DYNC1I1: variants seen among roughly 807,000 people sequenced by gnomAD.
DYNC1I1 encodes cytoplasmic dynein 1 intermediate chain 1.
Under a neutral mutation model 86.6 loss-of-function variants are expected in DYNC1I1, and 43 were observed. That is an observed-to-expected ratio of 0.50 (90% CI 0.39 to 0.64). DYNC1I1 has a LOEUF of 0.64. Ranked by LOEUF, DYNC1I1 falls within the 30% of genes least tolerant of loss-of-function variation. The pLI, the probability that DYNC1I1 is intolerant of heterozygous loss-of-function variation, is 0.00. For missense variants in DYNC1I1, 604 were observed against 788.8 expected (o/e 0.77, Z 2.81); for synonymous variants, 262 against 283.7 (o/e 0.92, Z 0.77).
At chr7:95,944,280 A>C (rs951645688) in intron 6 of DYNC1I1, among the ~76,000 whole-genome samples, 12 of 152,238 alleles carry the variant, frequency 7.9e-5, no homozygotes, top group African/African-American at 2.9e-4. Flanking sequence ...AAAAATGCTC[A>C]CCATCACTGG....
At chr7:96,032,386 C>A (rs1214081545) in intron 11 of DYNC1I1, among the ~76,000 whole-genome samples, 1 of 152,136 alleles carries the variant, frequency 6.6e-6, no homozygotes, top group Non-Finnish European at 1.5e-5. Context: ...ATTGCCTCTG[C>A]CCCATCAAAC....
chr7:95,869,304 G>A (rs899329415), intron 5 of DYNC1I1, among the ~76,000 whole-genome samples: 3 of 152,138 alleles, frequency 2.0e-5, no homozygotes, highest in Non-Finnish European at 4.4e-5. Context: ...TCTGAGCCCA[G>A]TGCCCCCTTT....
intron 6 of DYNC1I1, among the ~76,000 whole-genome samples, chr7:95,882,813 C>T (rs1584123730): frequency 1.3e-5 from 2 of 152,160 alleles, no homozygotes; most frequent in South Asian, 2.1e-4. Context: ...ACTCTCCCTT[C>T]GTCTATTTAG....
chr7:96,083,328 C>G (rs1790577753), intron 16 of DYNC1I1, among the ~76,000 whole-genome samples: 1 of 152,020 alleles, frequency 6.6e-6, no homozygotes, highest in Non-Finnish European at 1.5e-5. Flanking sequence ...AGAAGGGGAA[C>G]TTTTGTGTTT....
At chr7:95,842,307 G>A (rs1584270303) in intron 5 of DYNC1I1, among the ~76,000 whole-genome samples, 1 of 152,200 alleles carries the variant, frequency 6.6e-6, no homozygotes, top group Non-Finnish European at 1.5e-5. Context: ...TTTATACCTT[G>A]GTTTAGGAAG....
At chr7:95,990,120 T>C (rs529514831) in intron 9 of DYNC1I1, among the ~76,000 whole-genome samples, 2 of 152,310 alleles carry the variant, frequency 1.3e-5, no homozygotes, top group East Asian at 1.9e-4. Flanking sequence ...CACTTTAACT[T>C]TGAAATATTT....
chr7:96,070,059 A>C (rs1296925965), intron 14 of DYNC1I1, among the ~76,000 whole-genome samples: 1 of 152,194 alleles, frequency 6.6e-6, no homozygotes, highest in Non-Finnish European at 1.5e-5. Context: ...ATTTCTGACC[A>C]CGATACACAC....
At chr7:95,818,404 C>T in intron 4 of DYNC1I1, 1 of 531,104 alleles carries the variant, frequency 1.9e-6, no homozygotes, top group Admixed American at 2.7e-5. Flanking sequence ...CGGGATCAAG[C>T]TATTCTCCCA....
chr7:96,035,885 A>G lies in DYNC1I1; in HGVS notation c.1364+133A>G, dbSNP rs1794916874. On this transcript the variant is annotated intron_variant, in intron 13 of 16. Transcript: ENST00000447467. ...ATGGAAAGCACGACTTCAACTCTTC[A>G]TTATCTTAAAGAGCTGCATCTGCTC... 6 of 1,412,122 alleles carry G rather than the reference A, an allele frequency of 4.2e-6. No individual in the cohort carries two copies. The East Asian group carries it at 1.2e-4, about 28-fold the overall frequency. The allele number at this position is 1,412,122 out of a possible 1,614,324, so 87.5% of individuals were successfully genotyped here. A position where few individuals can be genotyped will look rare whatever the true frequency, so the allele number is the denominator to read the frequency against.
chr7:96,053,857 A>T (rs1305882235), intron 14 of DYNC1I1, among the ~76,000 whole-genome samples: 4 of 152,222 alleles, frequency 2.6e-5, no homozygotes, highest in African/African-American at 7.2e-5. Flanking sequence ...ATTAAAAATA[A>T]TTACTACTTT....
intron 6 of DYNC1I1, among the ~76,000 whole-genome samples, chr7:95,969,689 T>A (rs923303077): frequency 2.6e-5 from 4 of 152,174 alleles, no homozygotes; most frequent in Non-Finnish European, 4.4e-5. Context: ...ATTCTCTGAC[T>A]TCCCCTCTCA....
intron 16 of DYNC1I1, among the ~76,000 whole-genome samples, chr7:96,095,394 A>AG (rs1790971501): frequency 6.6e-6 from 1 of 152,190 alleles, no homozygotes; most frequent in Non-Finnish European, 1.5e-5. Context: ...ATGGCTATCA[A>AG]TAACATATTG....
chr7:95,870,587 G>A (rs1790136882), intron 6 of DYNC1I1, among the ~76,000 whole-genome samples: 2 of 152,192 alleles, frequency 1.3e-5, no homozygotes, highest in Admixed American at 6.5e-5. Context: ...TGCCAATTGA[G>A]GTAACAACAC....
At chr7:95,863,714 T>C (rs537545239) in intron 5 of DYNC1I1, among the ~76,000 whole-genome samples, 7 of 152,154 alleles carry the variant, frequency 4.6e-5, no homozygotes, top group Non-Finnish European at 1.0e-4. Context: ...CTTCATCACA[T>C]GTAGGCACAA....
intron 6 of DYNC1I1, among the ~76,000 whole-genome samples, chr7:95,926,969 G>A (rs1791762443): frequency 6.6e-6 from 1 of 152,076 alleles, no homozygotes; most frequent in Admixed American, 6.6e-5. Flanking sequence ...CTTTGGAATT[G>A]TAATCCAAAT....
intron 5 of DYNC1I1, among the ~76,000 whole-genome samples, chr7:95,864,005 G>A (rs2116137455): frequency 6.6e-6 from 1 of 152,278 alleles, no homozygotes; most frequent in South Asian, 2.1e-4. Context: ...ATATTTTTTA[G>A]AATTCCATTG....
chr7:96,063,513 G>T (rs914944061), intron 14 of DYNC1I1, among the ~76,000 whole-genome samples: 1 of 152,122 alleles, frequency 6.6e-6, no homozygotes, highest in Non-Finnish European at 1.5e-5. Context: ...TGTCATCAGG[G>T]TTGGTTTCCT....
intron 6 of DYNC1I1, among the ~76,000 whole-genome samples, chr7:95,971,773 G>A (rs1320966677): frequency 6.6e-6 from 1 of 152,114 alleles, no homozygotes; most frequent in Non-Finnish European, 1.5e-5. Flanking sequence ...TGCAGTCATT[G>A]GCCCATTCAA....
At chr7:96,074,232 A>G (rs776781282) in intron 14 of DYNC1I1, among the ~76,000 whole-genome samples, 2 of 152,148 alleles carry the variant, frequency 1.3e-5, no homozygotes, top group Non-Finnish European at 2.9e-5. Flanking sequence ...CATCTAAAAT[A>G]TTCTGTGTTG....
Sources: gnomAD v4.1 joint callset for allele counts (sites outside exome capture counted in the v4.1 genomes callset) on GRCh38, gnomAD v4.1.1 for gene constraint, MANE v1.5 for transcripts, NCBI Gene and HGNC (gene_info 2026-07-23, HGNC 2026-07-21) for gene names.